SHANK2: variants seen among roughly 807,000 people sequenced by gnomAD.
The protein encoded by SHANK2 is SH3 and multiple ankyrin repeat domains 2.
In SHANK2, 43 loss-of-function variants were observed where a neutral mutation model predicts 133.7. That is an observed-to-expected ratio of 0.32 (90% confidence interval 0.25 to 0.41). SHANK2 has a LOEUF of 0.41. SHANK2 is among the 10% of genes least tolerant of loss of function. The pLI, the probability that SHANK2 is intolerant of heterozygous loss-of-function variation, is 1.00. For synonymous variants in SHANK2, 1,017 were observed against 952.8 expected (o/e 1.07, Z -1.24); for missense variants, 1,994 against 2,235.8 (o/e 0.89, Z 2.18).
chr11:70,709,527 G>C (rs1229319213), intron 14 of SHANK2, among the ~76,000 whole-genome samples: 1 of 152,254 alleles, frequency 6.6e-6, no homozygotes, highest in Non-Finnish European at 1.5e-5. Flanking sequence ...TCATATGTCA[G>C]CTATAGCTTG....
intron 11 of SHANK2, among the ~76,000 whole-genome samples, chr11:70,890,497 C>CAG (rs1949823271): frequency 2.0e-5 from 3 of 148,084 alleles, no homozygotes; most frequent in Admixed American, 2.0e-4. Flanking sequence ...ACAAAAAAAA[C>CAG]AAAAAAAACA....
At position 71,175,852 on chromosome 11, in the gene SHANK2, C is replaced by T; in HGVS notation, c.-12-28514G>A. Among the ~76,000 whole-genome samples, 1 of 152,356 alleles carries T rather than the reference C, an allele frequency of 6.6e-6. No homozygotes were observed. The highest frequency in any genetic ancestry group is 1.9e-4 in the East Asian group (1 of 5,186). On this transcript the variant is annotated intron_variant, in intron 2 of 25. Transcript: ENST00000601538. This position sits in a 1 kb window ranked among gnomAD's most constrained non-coding sequence, Gnocchi z 4.2. Reference sequence around the variant, plus strand: ...TGCAAGCAAGGACCACCCAGGCAAACTCCCAGAGTGGAGGCGATGGGGCTG... The same window carrying T: ...TGCAAGCAAGGACCACCCAGGCAAATTCCCAGAGTGGAGGCGATGGGGCTG...
At chr11:71,133,463 GGGAGGGAGAGAGAGACAGAGGGAT>G (rs1952372052) in intron 3 of SHANK2, among the ~76,000 whole-genome samples, 1 of 149,426 alleles carries the variant, frequency 6.7e-6, no homozygotes, top group African/African-American at 2.5e-5. Flanking sequence ...GACGGAGGGA[GGGAGGGAGAGAGAGACAGAGGGAT>G]GGACGGACGG....
At chr11:70,627,452 C>T (rs1470804736) in intron 17 of SHANK2, among the ~76,000 whole-genome samples, 1 of 152,208 alleles carries the variant, frequency 6.6e-6, no homozygotes, top group African/African-American at 2.4e-5. Context: ...AGGAAATAAG[C>T]CTTTGTTTTT....
chr11:71,217,308 C>T (rs896754338), intron 2 of SHANK2, among the ~76,000 whole-genome samples: 17 of 152,050 alleles, frequency 1.1e-4, no homozygotes, highest in Admixed American at 1.1e-3. Flanking sequence ...GAGTTTGAGA[C>T]CAGCCTGGCC....
intron 10 of SHANK2, among the ~76,000 whole-genome samples, chr11:70,907,203 A>T (rs1213932330): frequency 6.6e-6 from 1 of 152,246 alleles, no homozygotes; most frequent in Admixed American, 6.5e-5. Context: ...GGTTAGAGGA[A>T]GACCCTGAGC....
intron 1 of SHANK2, among the ~76,000 whole-genome samples, chr11:71,231,461 C>T (rs1954739964): frequency 2.0e-5 from 3 of 152,186 alleles, no homozygotes; most frequent in Admixed American, 6.5e-5. Context: ...GGATCTTACA[C>T]GTTGCTGGTG....
chr11:70,910,915 C>CGT lies in SHANK2; in HGVS notation c.1108-14349_1108-14348insAC, dbSNP rs1555078865. The CGT allele has an allele frequency of 4.7e-5, 21 of 447,968 alleles. No homozygotes were observed. In the East Asian group the frequency reaches 4.9e-4, roughly 10 times the overall value. The allele number at this position is 447,968 out of a possible 1,614,324, so 27.7% of individuals were successfully genotyped here. On this transcript the variant is annotated intron_variant, in intron 10 of 25. Coordinates refer to ENST00000601538, the MANE Select transcript of SHANK2 (RefSeq NM_012309.5). ...TTGGTGGTGCGTGTGTGTGTGTGTGCGCGTGCATGTGCACATGCTGGGGGC... is the reference window on the plus strand; with the variant it reads ...TTGGTGGTGCGTGTGTGTGTGTGTGCGTGCGTGCATGTGCACATGCTGGGGGC...
chr11:70,576,410 A>G (rs956722234), intron 17 of SHANK2, among the ~76,000 whole-genome samples: 6 of 152,104 alleles, frequency 3.9e-5, no homozygotes, highest in African/African-American at 7.2e-5. Context: ...CGAGGCGGGC[A>G]GATCACGAGG....
chr11:71,059,831 C>G (rs1425802332), intron 9 of SHANK2, among the ~76,000 whole-genome samples: 2 of 152,214 alleles, frequency 1.3e-5, no homozygotes, highest in Admixed American at 6.5e-5. Context: ...CAGCTTTGTT[C>G]ATCGACTGTG....
chr11:70,802,762 C>T (rs1254884512), intron 13 of SHANK2, among the ~76,000 whole-genome samples: 2 of 152,166 alleles, frequency 1.3e-5, no homozygotes, highest in Non-Finnish European at 2.9e-5. Context: ...AGAGCAAAAA[C>T]GCTGGCGCCC....
In SHANK2 at chr11:70,659,918, C is replaced by A. The variant is rs146290859; in HGVS notation, c.1971G>T (p.Pro657=). 2.2e-5 allele frequency: 35 copies of A among 1,614,056 alleles called. No homozygotes were observed. Among genetic ancestry groups the A allele is most frequent in the Middle Eastern group, 1.6e-4 (1 of 6,084 alleles). The change falls in exon 17 of 26, where the codon CCG becomes CCT. Residue 657 remains proline (P), a synonymous_variant. Transcript: ENST00000601538. The part of the protein sequence containing the change: ...DTPIEEFTPT[P]AFPALQYLES... ...CCAGGTACTGTAGGGCTGGGAAAGCCGGTGTTGGTGTGAATTCTTCAATGG... is the reference window on the plus strand; with the variant it reads ...CCAGGTACTGTAGGGCTGGGAAAGCAGGTGTTGGTGTGAATTCTTCAATGG...
intron 11 of SHANK2, among the ~76,000 whole-genome samples, chr11:70,851,675 C>T (rs951798799): frequency 1.3e-5 from 2 of 152,194 alleles, no homozygotes; most frequent in Admixed American, 1.3e-4. Context: ...ATGGAAAAGA[C>T]AAACTTTTTA....
intron 15 of SHANK2, among the ~76,000 whole-genome samples, chr11:70,682,486 A>G (rs1486805284): frequency 3.9e-5 from 6 of 152,312 alleles, no homozygotes; most frequent in African/African-American, 1.4e-4. Context: ...CAAACAAATA[A>G]ATAAATAAGG....
At chr11:70,758,970 C>T (rs1946930468) in intron 14 of SHANK2, among the ~76,000 whole-genome samples, 1 of 149,986 alleles carries the variant, frequency 6.7e-6, no homozygotes, top group African/African-American at 2.5e-5. Flanking sequence ...ACCTTCCTGG[C>T]CAACATGGTG....
chr11:71,245,506 AC>A (rs371938323), intron 1 of SHANK2, among the ~76,000 whole-genome samples: 20 of 152,352 alleles, frequency 1.3e-4, no homozygotes, highest in African/African-American at 4.6e-4. Flanking sequence ...AAGTCTGACA[AC>A]CACTGTGCTA....
chr11:70,525,152 A>G (rs2059380003), intron 17 of SHANK2, among the ~76,000 whole-genome samples: 1 of 152,258 alleles, frequency 6.6e-6, no homozygotes, highest in Non-Finnish European at 1.5e-5. Flanking sequence ...GGCTCTGGCC[A>G]GCACCAGCAA....
intron 11 of SHANK2, among the ~76,000 whole-genome samples, chr11:70,826,926 G>A (rs1201114215): frequency 2.0e-5 from 3 of 152,262 alleles, no homozygotes; most frequent in South Asian, 2.1e-4. Context: ...AAGGAAACTC[G>A]GGCTGGTGCT....
At chr11:70,695,378 GGT>G (rs1297775435) in intron 15 of SHANK2, among the ~76,000 whole-genome samples, 2 of 152,144 alleles carry the variant, frequency 1.3e-5, no homozygotes, top group Admixed American at 1.3e-4. Context: ...ATGAAGTACT[GGT>G]GTGTGTCACT....
Sources: allele counts gnomAD v4.1 joint callset (sites outside exome capture counted in the v4.1 genomes callset), GRCh38; gene constraint gnomAD v4.1.1; non-coding constraint Gnocchi (gnomAD v3.1); transcripts MANE v1.5; gene names NCBI Gene and HGNC (gene_info 2026-07-23, HGNC 2026-07-21).